DCTN4: variants seen among roughly 807,000 people sequenced by gnomAD.
DCTN4 encodes dynactin 4 (p62).
In DCTN4, 23 loss-of-function variants were observed where a neutral mutation model predicts 62.7. That is an observed-to-expected ratio of 0.37 (90% CI 0.26 to 0.52). The LOEUF is 0.52. DCTN4 is among the 20% of genes least tolerant of loss of function. The pLI is 0.92. For missense variants in DCTN4, 514 were observed against 580.4 expected, an observed-to-expected ratio of 0.89 and a Z score of 1.18; for synonymous variants, 199 against 202.1, an observed-to-expected ratio of 0.98 and a Z score of 0.13.
At chr5:150,731,538 C>T in intron 5 of DCTN4, 49 bp from the exon 6 acceptor site, 1 of 1,449,206 alleles carries the variant, frequency 6.9e-7, no homozygotes. Flanking sequence ...TTTACACACC[C>T]TATTTATCAA....
At chr5:150,752,461 G>T (rs1752710997) in intron 3 of DCTN4, among the ~76,000 whole-genome samples, 1 of 152,108 alleles carries the variant, frequency 6.6e-6, no homozygotes, top group Non-Finnish European at 1.5e-5. Context: ...AATGCTCCAG[G>T]ACAGACATTT....
intron 3 of DCTN4, among the ~76,000 whole-genome samples, chr5:150,750,652 T>C (rs757762813): frequency 9.2e-5 from 14 of 152,224 alleles, no homozygotes; most frequent in African/African-American, 2.7e-4. Context: ...AGTAAAGTTG[T>C]AGCAGGATAT....
chr5:150,720,766 A>C (rs1219703776), intron 9 of DCTN4, among the ~76,000 whole-genome samples: 1 of 152,246 alleles, frequency 6.6e-6, no homozygotes, highest in Non-Finnish European at 1.5e-5. Context: ...GGCATGAGCC[A>C]AACACCTGGC....
At chr5:150,722,798 TA>T in intron 9 of DCTN4, 108 bp downstream of exon 9, 2 of 719,948 alleles carry the variant, frequency 2.8e-6, no homozygotes, top group Non-Finnish European at 4.5e-6. Flanking sequence ...TATTTTGATG[TA>T]ATTTTTTTTT....
At chr5:150,732,073 A>G (rs921575405) in intron 5 of DCTN4, among the ~76,000 whole-genome samples, 3 of 152,256 alleles carry the variant, frequency 2.0e-5, no homozygotes, top group African/African-American at 7.2e-5. Flanking sequence ...TATGCTGACT[A>G]TACCACTGGA....
chr5:150,718,391 A>G lies in DCTN4; in HGVS notation c.964-8T>C. Reference sequence around the variant, plus strand: ...CAGGAGGACCTGGCTCTCCTGGTGAATAGGAAACACATCTCTCAGACATTC... The same window carrying G: ...CAGGAGGACCTGGCTCTCCTGGTGAGTAGGAAACACATCTCTCAGACATTC... On this transcript the variant is annotated splice_polypyrimidine_tract_variant and splice_region_variant and intron_variant, in intron 10 of 12. Coordinates refer to ENST00000447998, the MANE Select transcript of DCTN4 (RefSeq NM_016221.4). 1 of 1,595,858 alleles carries G rather than the reference A, an allele frequency of 6.3e-7. No homozygotes were observed. Among genetic ancestry groups the G allele is most frequent in the Non-Finnish European group, 8.6e-7 (1 of 1,164,218 alleles).
chr5:150,751,080 C>T (rs1455180053), intron 3 of DCTN4, among the ~76,000 whole-genome samples: 2 of 152,094 alleles, frequency 1.3e-5, no homozygotes, highest in Non-Finnish European at 2.9e-5. Context: ...TTTTAAACGT[C>T]TGAATATTTT....
intron 2 of DCTN4, chr5:150,755,512 A>C: frequency 2.2e-6 from 1 of 456,316 alleles, no homozygotes; most frequent in South Asian, 1.5e-5. Flanking sequence ...ATATGATGTA[A>C]TCAAAGATGG....
chr5:150,712,414 G>A (rs1759603777), intron 12 of DCTN4, among the ~76,000 whole-genome samples: 1 of 151,706 alleles, frequency 6.6e-6, no homozygotes, highest in Admixed American at 6.6e-5. Context: ...ACAAGCATAA[G>A]CCAATGCACC....
intron 11 of DCTN4, among the ~76,000 whole-genome samples, chr5:150,716,177 T>G (rs2151468822): frequency 6.6e-6 from 1 of 152,336 alleles, no homozygotes; most frequent in East Asian, 1.9e-4. Context: ...CTGTTGGGAT[T>G]ACAGGCGTGA....
chr5:150,739,361 T>C (rs974203907), intron 4 of DCTN4, among the ~76,000 whole-genome samples: 3 of 152,038 alleles, frequency 2.0e-5, no homozygotes, highest in African/African-American at 7.2e-5. Context: ...TGCTTAGGAA[T>C]ATACCTAGCC....
intron 4 of DCTN4, among the ~76,000 whole-genome samples, chr5:150,734,833 G>A (rs1760517566): frequency 6.6e-6 from 1 of 152,192 alleles, no homozygotes; most frequent in Non-Finnish European, 1.5e-5. Context: ...CTTGCTGGCT[G>A]CATGGGAGCT....
intron 1 of DCTN4, 139 bp downstream of exon 1, chr5:150,758,720 A>G: frequency 7.2e-7 from 1 of 1,380,946 alleles, no homozygotes; most frequent in African/African-American, 1.4e-5. Flanking sequence ...AGCAAATTAA[A>G]TCGCAGGCAA....
intron 8 of DCTN4, among the ~76,000 whole-genome samples, chr5:150,726,560 T>C (rs1199435239): frequency 6.6e-6 from 1 of 152,220 alleles, no homozygotes; most frequent in African/African-American, 2.4e-5. Flanking sequence ...TTATAATGTT[T>C]TTAATAGTAT....
chr5:150,725,304 A>T (rs76370675), intron 8 of DCTN4, among the ~76,000 whole-genome samples: 3,022 of 151,844 alleles, frequency 0.02, 93 homozygotes, highest in African/African-American at 0.067. Context: ...AGTGAAGTTG[A>T]TGAGACAAAA....
rs543714393 is a variant in DCTN4 at position 150,719,603 on chromosome 5, C to CA, written c.963+112_963+113insT. Reference sequence around the variant, plus strand: ...TTATTATCCCAAACTGTCTTCTTTTCTATCCCTTGCTCACTGGATCCTGTG... The same window carrying CA: ...TTATTATCCCAAACTGTCTTCTTTTCATATCCCTTGCTCACTGGATCCTGTG... On this transcript the variant is annotated intron_variant, in intron 10 of 12. Transcript: ENST00000447998. 546 of 741,142 alleles carry CA rather than the reference C, an allele frequency of 7.4e-4. 2 individuals are homozygous for CA. The African/African-American group carries it at 8.4e-3, about 11-fold the overall frequency. The allele number at this position is 741,142 out of a possible 1,614,324, so 45.9% of individuals were successfully genotyped here. A position where few individuals can be genotyped will look rare whatever the true frequency, so the allele number is the denominator to read the frequency against.
Position 150,711,058 on chromosome 5 carries a change from T to C in DCTN4, c.*91A>G, listed in dbSNP as rs888760441. 1.9e-5 allele frequency: 24 copies of C among 1,252,058 alleles called. No homozygotes were observed. Among genetic ancestry groups the C allele is most frequent in the Non-Finnish European group, 2.4e-5 (21 of 873,718 alleles). The allele number at this position is 1,252,058 out of a possible 1,614,324, so 77.6% of individuals were successfully genotyped here. A position where few individuals can be genotyped will look rare whatever the true frequency, so the allele number is the denominator to read the frequency against. On this transcript the variant is annotated 3_prime_UTR_variant, in exon 13 of 13. Coordinates refer to ENST00000447998, the MANE Select transcript of DCTN4 (RefSeq NM_016221.4). ...TCCGTAGTGCATGGGTACATCGTTA[T>C]AAACAAGGCCTAATGAAGCAGCAGC...
chr5:150,753,547 G>A lies in DCTN4; in HGVS notation c.317C>T (p.Ala106Val). The change falls in exon 3 of 13, where the codon GCC (alanine) becomes GTC (valine). Residue 106 changes from alanine (A) to valine (V), a missense_variant. Transcript: ENST00000447998. ...ACAAAATCCACATGCCAGGTAATAG[G>A]CTTTCTTCATGGTGGTCTTGGCTGG... The part of the protein sequence containing the change: ...DDPAKTTMKK[A>V]YYLACGFCRW... The A allele has an allele frequency of 6.2e-7, 1 of 1,614,154 alleles. No homozygotes were observed. Among genetic ancestry groups the A allele is most frequent in the South Asian group, 1.1e-5 (1 of 91,084 alleles).
At chr5:150,751,551 T>C (rs988487607) in intron 3 of DCTN4, among the ~76,000 whole-genome samples, 1 of 152,118 alleles carries the variant, frequency 6.6e-6, no homozygotes, top group Non-Finnish European at 1.5e-5. Context: ...TTATGCCACT[T>C]TGAGGTTGCT....
Sources: allele counts gnomAD v4.1 joint callset (sites outside exome capture counted in the v4.1 genomes callset), GRCh38; gene constraint gnomAD v4.1.1; transcripts MANE v1.5; gene names NCBI Gene and HGNC (gene_info 2026-07-23, HGNC 2026-07-21).